Variants in SULT6B1 observed in about 807,000 individuals in gnomAD.
SULT6B1 encodes the protein sulfotransferase family 6B member 1.
A neutral mutation model predicts 37.2 loss-of-function variants in SULT6B1; 44 were observed. The observed-to-expected ratio is 1.18, with a 90% CI of 0.93 to 1.52. SULT6B1 has a LOEUF of 1.52. Among genes scored for constraint, SULT6B1 ranks in the 40% most tolerant of loss-of-function variants. SULT6B1 has a pLI of 0.00. For missense variants in SULT6B1, 450 were observed against 361.0 expected (o/e 1.25, Z -2.00); for synonymous variants, 140 against 126.0 (o/e 1.11, Z -0.74).
rs559981227 is a variant in SULT6B1 at position 37,174,613 on chromosome 2, A to G, written c.624+519T>C. On this transcript the variant is annotated intron_variant, in intron 5 of 6. Transcript: ENST00000535679. ...TCTTTTTTTCTCACATACTATATAC[A>G]TTTTAAAAATTATTGTGTTTATTAT... Among the ~76,000 whole-genome samples, 3 of 152,040 alleles carry G rather than the reference A, an allele frequency of 2.0e-5. No individual in the cohort carries two copies. In the South Asian group the frequency reaches 6.2e-4, roughly 32 times the overall value.
chr2:37,192,402 G>A (rs930464445), upstream of SULT6B1, among the ~76,000 whole-genome samples: 2 of 152,144 alleles, frequency 1.3e-5, no homozygotes, highest in African/African-American at 4.8e-5. Context: ...ACAGGTATCC[G>A]GGTTTCATTA....
intron 6 of SULT6B1, among the ~76,000 whole-genome samples, chr2:37,170,830 C>G (rs984223590): frequency 6.6e-6 from 1 of 151,870 alleles, no homozygotes; most frequent in African/African-American, 2.4e-5. Flanking sequence ...CTGCCCCTTG[C>G]CCACTCACTA....
At chr2:37,192,184 A>G (rs1162317564), upstream of SULT6B1, among the ~76,000 whole-genome samples, 1 of 152,244 alleles carries the variant, frequency 6.6e-6, no homozygotes, top group Non-Finnish European at 1.5e-5. Context: ...GACAAATACT[A>G]TATTCAATAT....
At chr2:37,168,566 TA>T (rs1209700718) in intron 6 of SULT6B1, among the ~76,000 whole-genome samples, 2 of 152,230 alleles carry the variant, frequency 1.3e-5, no homozygotes, top group Admixed American at 6.5e-5. Context: ...TTTACATCAC[TA>T]GGGGGAGCCA....
At chr2:37,195,791 T>C (rs987026676) in intron 1 of SULT6B1, among the ~76,000 whole-genome samples, 6 of 151,766 alleles carry the variant, frequency 4.0e-5, no homozygotes, top group African/African-American at 1.5e-4. Flanking sequence ...TTTAGGGATC[T>C]GGCTAAAATG....
chr2:37,183,244 C>A (rs916001921), intron 3 of SULT6B1, among the ~76,000 whole-genome samples, 181 bp downstream of exon 3: 6 of 152,052 alleles, frequency 3.9e-5, no homozygotes, highest in African/African-American at 1.4e-4. Context: ...GTTGAAAATG[C>A]ATTTGACTTG....
chr2:37,175,226 A>C lies in SULT6B1; in HGVS notation c.530T>G (p.Val177Gly). The change falls in exon 5 of 7, where the codon GTT (valine) becomes GGT (glycine). Residue 177 changes from valine to glycine, a missense_variant and splice_region_variant. Val to Gly is a moderately radical substitution (Grantham distance 109). Transcript: ENST00000535679. Reference sequence around the variant, plus strand: ...AAAATCAAAATACCTTCCCCAAGAAACTAAAAACACAGGGGGGAAGACTTT... The same window carrying C: ...AAAATCAAAATACCTTCCCCAAGAACCTAAAAACACAGGGGGGAAGACTTT... Reference protein sequence around the residue: ...EFFRQFMKGQVSWGRYFDFAI... With the variant: ...EFFRQFMKGQGSWGRYFDFAI... 6.4e-7 allele frequency: 1 copy of C among 1,564,936 alleles called. No individual in the cohort carries two copies. The highest frequency in any genetic ancestry group is 8.7e-7 in the Non-Finnish European group (1 of 1,149,448).
At chr2:37,170,733 G>A (rs1185580820) in intron 6 of SULT6B1, among the ~76,000 whole-genome samples, 2 of 70,036 alleles carry the variant, frequency 2.9e-5, no homozygotes, top group South Asian at 6.5e-4. Context: ...GCAAGATTCT[G>A]TCTCAAAAAA....
In SULT6B1 at chr2:37,188,179, C is replaced by G. The variant is rs75031639; in HGVS notation, c.199+263G>C. ...CATTCATGCTCCTCCCTTCCAGGCCCGTCATCCACCCCCTTCTGCCCTCCA... is the reference window on the plus strand; with the variant it reads ...CATTCATGCTCCTCCCTTCCAGGCCGGTCATCCACCCCCTTCTGCCCTCCA... On this transcript the variant is annotated intron_variant, in intron 1 of 6. Coordinates refer to ENST00000535679, the MANE Select transcript of SULT6B1 (RefSeq NM_001367551.1). 2.0e-5 allele frequency among the ~76,000 whole-genome samples: 3 copies of G among 152,168 alleles called. 1 individual carries two copies. Among genetic ancestry groups the G allele is most frequent in the South Asian group, 4.1e-4 (2 of 4,828 alleles).
chr2:37,180,747 A>T lies in SULT6B1; in HGVS notation c.403-1163T>A, dbSNP rs559080777. On this transcript the variant is annotated intron_variant, in intron 3 of 6. Transcript: ENST00000535679. Reference sequence around the variant, plus strand: ...AAAAATACAAAAATTAGCCAGGCGCAGTGTTGTGCACCTGTAGTCTCAGCT... The same window carrying T: ...AAAAATACAAAAATTAGCCAGGCGCTGTGTTGTGCACCTGTAGTCTCAGCT... Among the ~76,000 whole-genome samples the T allele has an allele frequency of 3.0e-4, 46 of 152,212 alleles. 1 individual carries two copies.
upstream of SULT6B1, among the ~76,000 whole-genome samples, chr2:37,193,644 A>AGAAGAAGAAGAAGAAGAAGAG (rs1558454987): frequency 2.7e-5 from 4 of 148,910 alleles, no homozygotes; most frequent in Non-Finnish European, 5.9e-5. Context: ...AAGAAGAAGA[A>AGAAGAAGAAGAAGAAGAAGAG]GAAGAAGGAG....
At chr2:37,189,732 C>T (rs1572467810), upstream of SULT6B1, among the ~76,000 whole-genome samples, 1 of 152,244 alleles carries the variant, frequency 6.6e-6, no homozygotes, top group East Asian at 1.9e-4. Flanking sequence ...GGAACATTTC[C>T]TAGGGTACGC....
intron 2 of SULT6B1, 38 bp downstream of exon 2, chr2:37,187,317 G>A: frequency 7.7e-7 from 1 of 1,305,614 alleles, no homozygotes; most frequent in Non-Finnish European, 1.1e-6. Context: ...ATCTTTCTAT[G>A]ATAATTTGCT....
Position 37,183,452 on chromosome 2 carries a change from AG to A in SULT6B1, c.374del (p.Pro125LeufsTer13). On this transcript the variant is annotated frameshift_variant, in exon 3 of 7. Coordinates refer to ENST00000535679, the MANE Select transcript of SULT6B1 (RefSeq NM_001367551.1). LOFTEE classifies it high-confidence loss of function. ...LATHLHYDKL[P>X]GSIFENKAKI... is the part of the protein sequence containing the mutation. ...TGGCTTTATTCTCGAAGATAGACCC[AG>A]GTAATTTGTCATAGTGGAGGTGAGT... 2.5e-6 allele frequency: 4 copies of A among 1,614,156 alleles called. No individual in the cohort carries two copies. Among genetic ancestry groups the A allele is most frequent in the Non-Finnish European group, 3.4e-6 (4 of 1,179,968 alleles).
intron 3 of SULT6B1, among the ~76,000 whole-genome samples, chr2:37,181,250 T>C (rs186364904): frequency 2.0e-4 from 30 of 152,350 alleles, no homozygotes; most frequent in African/African-American, 6.5e-4. Flanking sequence ...TTTGAGGCTT[T>C]AACTACCACT....
chr2:37,178,136 C>G (rs1333792257), intron 4 of SULT6B1, among the ~76,000 whole-genome samples: 2 of 152,164 alleles, frequency 1.3e-5, no homozygotes, highest in African/African-American at 4.8e-5. Context: ...CCTCTGCCTC[C>G]TGGATTCAAA....
At chr2:37,187,507 C>A (rs376909135) in intron 1 of SULT6B1, 40 bp from the exon 2 acceptor site, 76 of 1,267,930 alleles carry the variant, frequency 6.0e-5, no homozygotes, top group Non-Finnish European at 7.2e-5. Context: ...ATTACGGAGT[C>A]TTGATATAAC....
chr2:37,190,451 T>G (rs868106012), upstream of SULT6B1, among the ~76,000 whole-genome samples: 1 of 152,216 alleles, frequency 6.6e-6, no homozygotes, highest in Admixed American at 6.5e-5. Flanking sequence ...AGTACTTGCA[T>G]GTACCACATC....
intron 6 of SULT6B1, among the ~76,000 whole-genome samples, chr2:37,168,496 T>C (rs1217126477): frequency 5.3e-5 from 8 of 152,304 alleles, no homozygotes; most frequent in Admixed American, 1.3e-4. Flanking sequence ...ATTTCTGTTG[T>C]AAAATTAACA....
Sources: gnomAD v4.1 joint callset for allele counts (sites outside exome capture counted in the v4.1 genomes callset) on GRCh38, gnomAD v4.1.1 for gene constraint, MANE v1.5 for transcripts, NCBI Gene and HGNC (gene_info 2026-07-23, HGNC 2026-07-21) for gene names.